Variants in AR observed in about 807,000 individuals in gnomAD.
AR encodes the protein androgen receptor.
AR carries 8 observed loss-of-function variants against 53.9 expected under a neutral mutation model. The ratio of observed to expected loss-of-function variants is 0.15; its 90% CI spans 0.09 to 0.27. The LOEUF (loss-of-function observed/expected upper bound fraction) is 0.27, where lower values mean the gene tolerates loss of function less well. Ranked by LOEUF, AR falls within the 10% of genes least tolerant of loss-of-function variation. The pLI, the probability that AR is intolerant of heterozygous loss-of-function variation, is 1.00. For missense variants in AR, 639 were observed against 742.5 expected, an observed-to-expected ratio of 0.86 and a Z score of 1.62; for synonymous variants, 359 against 316.4, an observed-to-expected ratio of 1.13 and a Z score of -1.43.
At chrX:67,695,471 C>T in intron 3 of AR, 4 of 754,402 alleles carry the variant, frequency 5.3e-6, no homozygotes, top group Non-Finnish European at 6.3e-6. Context: ...TGATTGCTCT[C>T]TCACATCACA....
chrX:67,632,174 G>A (rs1925177211), intron 1 of AR, among the ~76,000 whole-genome samples: 1 of 110,818 alleles, frequency 9.0e-6, no homozygotes, highest in Admixed American at 9.5e-5. Context: ...CACCCAGTTC[G>A]AGCTTCCCAG....
In AR at chrX:67,669,333, T is replaced by A. The variant is rs12013056; in HGVS notation, c.1769-16677T>A. Among the ~76,000 whole-genome samples the A allele has an allele frequency of 5.6e-3, 630 of 111,745 alleles. 5 individuals are homozygous for A. Among genetic ancestry groups the A allele is most frequent in the African/African-American group, 0.019 (577 of 30,932 alleles). ...TCCAGAGTATACTGTTTAATTTCCA[T>A]GTGGTTTGTATAGTTTCCAAAATTC... On this transcript the variant is annotated intron_variant, in intron 2 of 7. Coordinates refer to ENST00000374690, the MANE Select transcript of AR (RefSeq NM_000044.6).
chrX:67,630,876 T>A (rs1324529457), intron 1 of AR, among the ~76,000 whole-genome samples: 1 of 110,634 alleles, frequency 9.0e-6, no homozygotes, highest in Non-Finnish European at 1.9e-5. Flanking sequence ...CTGTAAAGGA[T>A]TTTATTTCTC....
chrX:67,677,071 C>T (rs1276254120), intron 2 of AR, among the ~76,000 whole-genome samples: 3 of 110,899 alleles, frequency 2.7e-5, no homozygotes, highest in African/African-American at 3.3e-5. Flanking sequence ...CTAAGGGACT[C>T]CAAGCCAGCA....
intron 1 of AR, among the ~76,000 whole-genome samples, chrX:67,618,495 G>A (rs1049410266): frequency 2.7e-5 from 3 of 110,885 alleles, no homozygotes; most frequent in Non-Finnish European, 3.8e-5. Flanking sequence ...AAATTTGAGG[G>A]AAAAGTGCCC....
chrX:67,628,695 G>A (rs756239762), intron 1 of AR, among the ~76,000 whole-genome samples: 1 of 111,073 alleles, frequency 9.0e-6, no homozygotes, highest in Non-Finnish European at 1.9e-5. Context: ...TGGTGAGAGA[G>A]GGCATCCCTG....
chrX:67,603,054 A>T (rs925992290), intron 1 of AR, among the ~76,000 whole-genome samples: 1 of 111,519 alleles, frequency 9.0e-6, no homozygotes, highest in African/African-American at 3.3e-5. Context: ...TAGTAATGAT[A>T]CTGATTCTCC....
chrX:67,723,062 G>A (rs1602279649), intron 7 of AR, 78 bp downstream of exon 7: 1 of 1,114,346 alleles, frequency 9.0e-7, no homozygotes, highest in Non-Finnish European at 1.2e-6. Context: ...TCTAGAGTCT[G>A]GCACCACCTG....
intron 1 of AR, among the ~76,000 whole-genome samples, chrX:67,548,404 A>G (rs186123518): frequency 3.1e-4 from 35 of 111,904 alleles, no homozygotes; most frequent in African/African-American, 1.1e-3. Context: ...GGTTTATGCT[A>G]TGGGACAAAA....
intron 1 of AR, among the ~76,000 whole-genome samples, chrX:67,554,752 A>G (rs1473495989): frequency 4.5e-5 from 5 of 110,193 alleles, no homozygotes; most frequent in Non-Finnish European, 7.6e-5. Flanking sequence ...CCTGGCCAAC[A>G]TGGTGAAACC....
intron 1 of AR, among the ~76,000 whole-genome samples, chrX:67,590,143 C>T (rs938367283): frequency 2.7e-5 from 3 of 111,103 alleles, no homozygotes; most frequent in Non-Finnish European, 5.7e-5. Flanking sequence ...ATTGCTCACC[C>T]TGACCAGGTA....
In AR at chrX:67,693,072, G is replaced by A. The variant is rs143209129; in HGVS notation, c.1885+6946G>A. On this transcript the variant is annotated intron_variant, in intron 3 of 7. Coordinates refer to ENST00000374690, the MANE Select transcript of AR (RefSeq NM_000044.6). The stretch of plus-strand genomic sequence containing the variant: ...TTATCTGGGATAGCACATATATGTT[G>A]TACTCTGTCTCTGAGCATTTGCTCT... Among the ~76,000 whole-genome samples the A allele has an allele frequency of 8.2e-3, 928 of 112,810 alleles. 7 individuals are homozygous for A. The highest frequency in any genetic ancestry group is 0.028 in the African/African-American group (883 of 31,117).
chrX:67,545,164 G>T lies in AR; in HGVS notation c.18G>T (p.Gly6=). Residue 6 remains glycine, a synonymous_variant, in exon 1 of 8, where the codon GGG becomes GGT. Transcript: ENST00000374690. MEVQL[G]LGRVYPRPPS... ...GCTCAAGGATGGAAGTGCAGTTAGG[G>T]CTGGGAAGGGTCTACCCTCGGCCGC... 8.3e-7 allele frequency: 1 copy of T among 1,200,232 alleles called. No homozygotes were observed. Among genetic ancestry groups the T allele is most frequent in the South Asian group, 1.8e-5 (1 of 54,818 alleles).
intron 3 of AR, among the ~76,000 whole-genome samples, chrX:67,687,120 G>A (rs1288487946): frequency 9.0e-6 from 1 of 111,585 alleles, no homozygotes; most frequent in Non-Finnish European, 1.9e-5. Context: ...TTATTAGCCT[G>A]GAAAACCCAA....
intron 2 of AR, among the ~76,000 whole-genome samples, chrX:67,656,676 G>C (rs1926608316): frequency 9.0e-6 from 1 of 111,452 alleles, no homozygotes; most frequent in Non-Finnish European, 1.9e-5. Flanking sequence ...AGAAGACTAA[G>C]AGAACAGGAA....
At position 67,546,092 on chromosome X, in the gene AR, T is replaced by A. The variant is rs760745000; in HGVS notation, c.946T>A (p.Tyr316Asn). 4.1e-6 allele frequency: 5 copies of A among 1,212,172 alleles called. No homozygotes were observed. Among genetic ancestry groups the A allele is most frequent in the Non-Finnish European group, 5.6e-6 (5 of 895,583 alleles). The change falls in exon 1 of 8, where the codon TAC becomes AAC. Residue 316 changes from tyrosine to asparagine, a missense_variant. Transcript: ENST00000374690. The part of the protein sequence containing the change: ...TAEYSPFKGG[Y>N]TKGLEGESLG... ...TGAGTATTCCCCTTTCAAGGGAGGTTACACCAAAGGGCTAGAAGGCGAGAG... is the reference window on the plus strand; with the variant it reads ...TGAGTATTCCCCTTTCAAGGGAGGTAACACCAAAGGGCTAGAAGGCGAGAG...
rs371985989 is a variant in AR at position 67,718,788 on chromosome X, C to T, written c.2318+1166C>T. 2.2e-4 allele frequency among the ~76,000 whole-genome samples: 24 copies of T among 111,483 alleles called. No homozygotes were observed. In the East Asian group the frequency reaches 5.1e-3, roughly 24 times the overall value. ...AGCTGGGATTATAGATGCCCGCCAC[C>T]GTGTCCATCTAATTTTTGTATTTTT... On this transcript the variant is annotated intron_variant, in intron 5 of 7. Coordinates refer to ENST00000374690, the MANE Select transcript of AR (RefSeq NM_000044.6).
At chrX:67,689,545 T>C (rs1441765803) in intron 3 of AR, 1 of 964,131 alleles carries the variant, frequency 1.0e-6, no homozygotes, top group Non-Finnish European at 1.3e-6. Context: ...GTTTCTTGCT[T>C]TTTTTTCTAG....
chrX:67,729,252 A>C lies in AR; in HGVS notation c.*5411A>C, dbSNP rs2076170748. On this transcript the variant is annotated 3_prime_UTR_variant, in exon 8 of 8. Transcript: ENST00000374690. ...CTAGAAGTTGTATCTCTGTAGGTGC[A>C]GGTCCATTTCTGCCCACAGGTAGGG... 5.7e-6 allele frequency: 1 copy of C among 174,326 alleles called. No homozygotes were observed. Among genetic ancestry groups the C allele is most frequent in the South Asian group, 3.1e-4 (1 of 3,252 alleles). The allele number at this position is 174,326 out of a possible 1,213,427, so 14.4% of individuals were successfully genotyped here.
Sources: gnomAD v4.1 joint callset for allele counts (sites outside exome capture counted in the v4.1 genomes callset) on GRCh38, gnomAD v4.1.1 for gene constraint, MANE v1.5 for transcripts, NCBI Gene and HGNC (gene_info 2026-07-23, HGNC 2026-07-21) for gene names.